GATB: variants seen among roughly 807,000 people sequenced by gnomAD.
GATB encodes the protein glutamyl-tRNA amidotransferase subunit B, also known as glutamyl-tRNA(Gln) amidotransferase subunit B, mitochondrial.
GATB carries 39 observed loss-of-function variants against 62.3 expected under a neutral mutation model. The ratio of observed to expected loss-of-function variants is 0.63; its 90% confidence interval spans 0.48 to 0.82. GATB has a LOEUF of 0.82. GATB is among the 40% of genes least tolerant of loss of function. The pLI is 0.00. For missense variants in GATB, 670 were observed against 684.0 expected (o/e 0.98, Z 0.23); for synonymous variants, 276 against 258.9 (o/e 1.07, Z -0.63).
Position 151,716,829 on chromosome 4 carries a change from A to C in GATB, c.640+47T>G, listed in dbSNP as rs1738921375. 8 of 1,577,292 alleles carry C rather than the reference A, an allele frequency of 5.1e-6. No homozygotes were observed. In the South Asian group the frequency reaches 8.9e-5, roughly 18 times the overall value. On this transcript the variant is annotated intron_variant, in intron 4 of 12. Transcript: ENST00000263985. ...CGGTGAAAAGAGGGCCCTGCTATCC[A>C]AGAACTGAAGTAGGAAGGAGAAATA...
intron 5 of GATB, among the ~76,000 whole-genome samples, chr4:151,714,786 T>A (rs183050827): frequency 6.6e-6 from 1 of 152,372 alleles, no homozygotes; most frequent in East Asian, 1.9e-4. Flanking sequence ...ATTTCATTTA[T>A]GTTCTGTGGA....
intron 9 of GATB, among the ~76,000 whole-genome samples, chr4:151,695,237 G>A (rs1289979344): frequency 1.3e-5 from 2 of 152,140 alleles, no homozygotes; most frequent in South Asian, 2.1e-4. Flanking sequence ...AGTCTGCTTG[G>A]CTATATTTAG....
At chr4:151,704,438 T>G (rs548450863) in intron 7 of GATB, among the ~76,000 whole-genome samples, 1 of 152,048 alleles carries the variant, frequency 6.6e-6, no homozygotes, top group Admixed American at 6.5e-5. Flanking sequence ...TATATCCCTA[T>G]AGGGTACAGT....
At chr4:151,692,801 A>G (rs1738392653) in intron 9 of GATB, among the ~76,000 whole-genome samples, 1 of 152,196 alleles carries the variant, frequency 6.6e-6, no homozygotes, top group Non-Finnish European at 1.5e-5. Context: ...ATACCAATTG[A>G]GCATATTGTA....
chr4:151,674,784 A>C (rs989426190), intron 11 of GATB: 9 of 152,234 alleles, frequency 5.9e-5, no homozygotes, highest in African/African-American at 2.2e-4. Flanking sequence ...ACAGACTCCC[A>C]AAAAAGCTCC....
In GATB at chr4:151,716,115, C is replaced by T; in HGVS notation, c.657G>A (p.Glu219=). 6.2e-7 allele frequency: 1 copy of T among 1,613,780 alleles called. No homozygotes were observed. Among genetic ancestry groups the T allele is most frequent in the Non-Finnish European group, 8.5e-7 (1 of 1,179,888 alleles). Residue 219 remains glutamate, a synonymous_variant, in exon 5 of 13, where the codon GAG becomes GAA. Coordinates refer to ENST00000263985, the MANE Select transcript of GATB (RefSeq NM_004564.3). The part of the protein sequence containing the change: ...DLNRAGVGLL[E]VVLEPDMSCG... ...AGGACATGTCGGGCTCCAGGACCAC[C>T]TCCAGAAGGCCCACTCCTACCAAAG...
At chr4:151,691,357 C>T (rs973081090) in intron 9 of GATB, among the ~76,000 whole-genome samples, 9 of 152,160 alleles carry the variant, frequency 5.9e-5, no homozygotes, top group Non-Finnish European at 1.0e-4. Flanking sequence ...CAGGCATGAG[C>T]GGTCCTGTCT....
At chr4:151,725,695 T>C (rs966768797) in intron 2 of GATB, among the ~76,000 whole-genome samples, 3 of 152,242 alleles carry the variant, frequency 2.0e-5, no homozygotes, top group Non-Finnish European at 2.9e-5. Flanking sequence ...CTTAAGTCCA[T>C]AAAATATTCT....
At chr4:151,688,997 G>A (rs1321065831) in intron 9 of GATB, among the ~76,000 whole-genome samples, 1 of 152,128 alleles carries the variant, frequency 6.6e-6, no homozygotes, top group Non-Finnish European at 1.5e-5. Flanking sequence ...ACACATTTTA[G>A]AGAGCCCTGA....
intron 6 of GATB, among the ~76,000 whole-genome samples, chr4:151,706,794 A>G (rs1408500166): frequency 1.3e-5 from 2 of 152,224 alleles, no homozygotes; most frequent in African/African-American, 2.4e-5. Context: ...CATTTTGGCT[A>G]CAGCAAAACT....
intron 5 of GATB, among the ~76,000 whole-genome samples, chr4:151,709,328 A>G (rs1437676893): frequency 1.3e-5 from 2 of 152,198 alleles, no homozygotes; most frequent in Admixed American, 1.3e-4. Context: ...GGCTCGCCCA[A>G]TTGCCACCCG....
intron 2 of GATB, among the ~76,000 whole-genome samples, chr4:151,756,345 G>C (rs1000181481): frequency 7.9e-5 from 12 of 152,204 alleles, no homozygotes; most frequent in Non-Finnish European, 1.6e-4. Context: ...TAGGGCTTAG[G>C]GGAAGGACAA....
At chr4:151,708,793 C>G (rs1438630836) in intron 5 of GATB, among the ~76,000 whole-genome samples, 1 of 152,210 alleles carries the variant, frequency 6.6e-6, no homozygotes, top group Non-Finnish European at 1.5e-5. Context: ...GGTGCTGACC[C>G]CATGCTGGGA....
intron 2 of GATB, among the ~76,000 whole-genome samples, chr4:151,734,876 C>T (rs556517810): frequency 3.9e-4 from 59 of 152,238 alleles, no homozygotes; most frequent in Non-Finnish European, 4.1e-4. Context: ...ATTGGTTAGC[C>T]ACATGTAGCA....
intron 2 of GATB, among the ~76,000 whole-genome samples, chr4:151,737,718 G>C (rs1363052695): frequency 2.0e-5 from 3 of 152,194 alleles, no homozygotes; most frequent in African/African-American, 7.2e-5. Context: ...GTGCAGTCTA[G>C]GGACTTGGTG....
intron 2 of GATB, among the ~76,000 whole-genome samples, chr4:151,743,151 T>TC (rs1299872009): frequency 1.3e-5 from 2 of 152,098 alleles, no homozygotes; most frequent in African/African-American, 4.8e-5. Context: ...AGAGAAAAGA[T>TC]CCTAAAAGAA....
chr4:151,671,021 G>C lies in GATB; in HGVS notation c.*153C>G. 1.1e-6 allele frequency: 1 copy of C among 887,914 alleles called. No homozygotes were observed. The allele number at this position is 887,914 out of a possible 1,614,324, so 55.0% of individuals were successfully genotyped here. A position where few individuals can be genotyped will look rare whatever the true frequency, so the allele number is the denominator to read the frequency against. On this transcript the variant is annotated 3_prime_UTR_variant, in exon 13 of 13. Transcript: ENST00000263985. ...TCCAGGCACAGGGCCTAGAGGGTGA[G>C]AACACTGGTGACATTAATGCCATAG...
At chr4:151,710,397 A>G (rs1738795350) in intron 5 of GATB, among the ~76,000 whole-genome samples, 1 of 152,226 alleles carries the variant, frequency 6.6e-6, no homozygotes, top group Non-Finnish European at 1.5e-5. Context: ...TCACTCTATC[A>G]GTCACTCATC....
chr4:151,718,394 A>G (rs1457212904), intron 3 of GATB, among the ~76,000 whole-genome samples: 2 of 152,208 alleles, frequency 1.3e-5, no homozygotes, highest in African/African-American at 2.4e-5. Flanking sequence ...TATTTGAACT[A>G]TCTGGGCCAG....
Sources: allele counts gnomAD v4.1 joint callset (sites outside exome capture counted in the v4.1 genomes callset), GRCh38; gene constraint gnomAD v4.1.1; transcripts MANE v1.5; gene names NCBI Gene and HGNC (gene_info 2026-07-23, HGNC 2026-07-21).